DDC: variants seen among roughly 807,000 people sequenced by gnomAD.
DDC encodes the protein aromatic-L-amino-acid decarboxylase.
A neutral mutation model predicts 60.0 loss-of-function variants in DDC; 43 were observed. That is an observed-to-expected ratio of 0.72 (90% CI 0.56 to 0.92). DDC has a LOEUF of 0.92. DDC is among the 40% of genes least tolerant of loss of function. DDC has a pLI of 0.00. For synonymous variants in DDC, 232 were observed against 234.6 expected, an observed-to-expected ratio of 0.99 and a Z score of 0.10; for missense variants, 573 against 620.2, an observed-to-expected ratio of 0.92 and a Z score of 0.81.
At chr7:50,499,000 T>C (rs11575393) in intron 8 of DDC, 148 bp downstream of exon 8, 50 of 699,912 alleles carry the variant, frequency 7.1e-5, no homozygotes, top group Non-Finnish European at 1.0e-4. Context: ...TCTCAGCCCC[T>C]ATTCTGAGGA....
intron 6 of DDC, chr7:50,527,919 CAG>C (rs1210431210): frequency 2.1e-6 from 1 of 486,774 alleles, no homozygotes; most frequent in Non-Finnish European, 3.7e-6. Flanking sequence ...TTTTTTGAGA[CAG>C]AGTCTTGCTC....
chr7:50,463,209 C>T lies in DDC; in HGVS notation c.*18+4G>A, dbSNP rs1393372459. 1.3e-6 allele frequency: 2 copies of T among 1,593,022 alleles called. No homozygotes were observed. Among genetic ancestry groups the T allele is most frequent in the African/African-American group, 2.7e-5 (2 of 74,534 alleles). On this transcript the variant is annotated splice_donor_region_variant and intron_variant, in intron 14 of 14. Transcript: ENST00000444124. ...AGGCAGAAAATGAGCCCAGGGCAGCCTACCTGCAGCTGGCTTCACTCCTAC... is the reference window on the plus strand; with the variant it reads ...AGGCAGAAAATGAGCCCAGGGCAGCTTACCTGCAGCTGGCTTCACTCCTAC...
chr7:50,470,998 C>T (rs1441992250), intron 11 of DDC, among the ~76,000 whole-genome samples: 1 of 152,228 alleles, frequency 6.6e-6, no homozygotes, highest in African/African-American at 2.4e-5. Context: ...CCAGGCGCGA[C>T]ACTCTAGCGC....
chr7:50,528,546 T>C (rs935421709), intron 5 of DDC, among the ~76,000 whole-genome samples: 6 of 152,182 alleles, frequency 3.9e-5, no homozygotes, highest in Admixed American at 6.5e-5. Context: ...TCAATATTTA[T>C]GAAGTTTTTC....
intron 10 of DDC, among the ~76,000 whole-genome samples, chr7:50,479,227 G>A (rs10899736): frequency 0.41 from 61,853 of 152,076 alleles, 12,982 homozygotes; most frequent in Admixed American, 0.51. Context: ...CCTGCTAGAC[G>A]TTGCAGGTGG....
intron 8 of DDC, among the ~76,000 whole-genome samples, chr7:50,495,637 G>T (rs765159420): frequency 1.2e-4 from 19 of 152,006 alleles, no homozygotes; most frequent in Non-Finnish European, 2.4e-4. Context: ...AAGTACATGG[G>T]GGTGGGTATA....
intron 6 of DDC, among the ~76,000 whole-genome samples, chr7:50,522,966 C>T (rs2043939934): frequency 6.6e-6 from 1 of 152,148 alleles, no homozygotes; most frequent in South Asian, 2.1e-4. Flanking sequence ...TGAGAATTCA[C>T]TCACTATCAT....
At chr7:50,485,569 C>G (rs373177401) in intron 9 of DDC, among the ~76,000 whole-genome samples, 9 of 152,254 alleles carry the variant, frequency 5.9e-5, no homozygotes, top group African/African-American at 1.9e-4. Flanking sequence ...TTAAAAGACA[C>G]TTTAAAAATT....
chr7:50,549,689 T>C (rs1374417537), intron 1 of DDC, among the ~76,000 whole-genome samples: 1 of 150,558 alleles, frequency 6.6e-6, no homozygotes, highest in Non-Finnish European at 1.5e-5. Flanking sequence ...TTGTGATTCA[T>C]GGAAAGAGGT....
chr7:50,467,310 G>T lies in DDC; in HGVS notation c.1146C>A (p.Val382=). ...GTGACTCAAACTCATGGGACAGCTG[G>T]ACATGCTTCAAAGAGGAAAGGGAAA... ...KGLQAYIRKH[V]QLSHEFESLV... is the part of the protein sequence containing the mutation. Residue 382 remains valine, a synonymous_variant, in exon 13 of 15, where the codon GTC becomes GTA. Transcript: ENST00000444124. 6.2e-7 allele frequency: 1 copy of T among 1,613,848 alleles called. No homozygotes were observed. The highest frequency in any genetic ancestry group is 1.1e-5 in the South Asian group (1 of 91,068).
At chr7:50,477,019 A>T (rs550750382) in intron 10 of DDC, among the ~76,000 whole-genome samples, 2 of 152,358 alleles carry the variant, frequency 1.3e-5, no homozygotes, top group Non-Finnish European at 2.9e-5. Flanking sequence ...AATTTGTGAT[A>T]TACGGAGTGA....
Position 50,482,308 on chromosome 7 carries a change from T to C in DDC, c.945-2445A>G, listed in dbSNP as rs186513880. Reference sequence around the variant, plus strand: ...ATTTCTGATTACTAAGGAGGGTGAGTAACTTTGTATTTATTAAGCATATCT... The same window carrying C: ...ATTTCTGATTACTAAGGAGGGTGAGCAACTTTGTATTTATTAAGCATATCT... On this transcript the variant is annotated intron_variant, in intron 9 of 14. Transcript: ENST00000444124. Among the ~76,000 whole-genome samples, 9 of 152,284 alleles carry C rather than the reference T, an allele frequency of 5.9e-5. No individual in the cohort carries two copies. The East Asian group carries it at 1.7e-3, about 29-fold the overall frequency.
At chr7:50,543,490 C>T (rs887796939) in intron 2 of DDC, 5 of 334,942 alleles carry the variant, frequency 1.5e-5, no homozygotes, top group South Asian at 5.2e-5. Context: ...TTGCTAAACC[C>T]AAGGATGGTG....
rs1166528896 is a variant in DDC, at chr7:50,528,228, G to A, written c.623C>T (p.Ala208Val). 1.2e-6 allele frequency: 2 copies of A among 1,614,022 alleles called. No homozygotes were observed. Among genetic ancestry groups the A allele is most frequent in the Admixed American group, 1.7e-5 (1 of 60,000 alleles). ...GGCGAAGTTGCCATCTGAGGGGATG[G>A]CTTTTAATTTCACTCCACCAATTAA... ...AGLIGGVKLK[A>V]IPSDGNFAMR... The change falls in exon 6 of 15, where the codon GCC becomes GTC. Residue 208 changes from alanine (A) to valine (V), a missense_variant. Coordinates refer to ENST00000444124, the MANE Select transcript of DDC (RefSeq NM_001082971.2).
intron 8 of DDC, among the ~76,000 whole-genome samples, chr7:50,497,640 G>A (rs990628858): frequency 3.3e-5 from 5 of 152,156 alleles, no homozygotes; most frequent in South Asian, 2.1e-4. Context: ...ACTAGCTACC[G>A]GCAATGAACT....
intron 6 of DDC, among the ~76,000 whole-genome samples, chr7:50,505,972 G>C (rs544625736): frequency 3.3e-5 from 5 of 152,374 alleles, no homozygotes; most frequent in Middle Eastern, 3.4e-3. Flanking sequence ...CCAAGGGGAG[G>C]GGGACATGGG....
At chr7:50,486,309 A>G (rs2042879292) in intron 9 of DDC, among the ~76,000 whole-genome samples, 1 of 152,240 alleles carries the variant, frequency 6.6e-6, no homozygotes, top group African/African-American at 2.4e-5. Context: ...TATCAGATAC[A>G]GCACAGGCCA....
chr7:50,522,906 G>T (rs555103175), intron 6 of DDC, among the ~76,000 whole-genome samples: 1 of 152,314 alleles, frequency 6.6e-6, no homozygotes, highest in South Asian at 2.1e-4. Context: ...TTGCCAGCAA[G>T]AGAGAGCAAA....
At chr7:50,478,249 A>G (rs1237610242) in intron 10 of DDC, among the ~76,000 whole-genome samples, 1 of 152,070 alleles carries the variant, frequency 6.6e-6, no homozygotes, top group East Asian at 1.9e-4. Flanking sequence ...GATGATTGTC[A>G]TGAATGAAAA....
Sources: gnomAD v4.1 joint callset for allele counts (sites outside exome capture counted in the v4.1 genomes callset) on GRCh38, gnomAD v4.1.1 for gene constraint, MANE v1.5 for transcripts, NCBI Gene and HGNC (gene_info 2026-07-23, HGNC 2026-07-21) for gene names.